Variants in TNS3 observed in about 807,000 individuals in gnomAD.
The protein encoded by TNS3 is tensin 3.
In TNS3, 45 loss-of-function variants were observed where a neutral mutation model predicts 140.9. That is an observed-to-expected ratio of 0.32 (90% CI 0.25 to 0.41). The LOEUF (loss-of-function observed/expected upper bound fraction) is 0.41. TNS3 is among the 10% of genes least tolerant of loss of function. The pLI, the probability that TNS3 is intolerant of heterozygous loss-of-function variation, is 1.00. For missense variants in TNS3, 1,716 were observed against 1,906.7 expected (o/e 0.90, Z 1.86); for synonymous variants, 815 against 788.4 (o/e 1.03, Z -0.56).
intron 2 of TNS3, among the ~76,000 whole-genome samples, chr7:47,520,067 C>T (rs1452671543): frequency 2.0e-5 from 3 of 151,912 alleles, no homozygotes; most frequent in African/African-American, 4.8e-5. Flanking sequence ...CCTCGTGATC[C>T]GCCTGCCTCA....
chr7:47,445,657 C>G (rs1442668032), intron 4 of TNS3, among the ~76,000 whole-genome samples: 1 of 152,114 alleles, frequency 6.6e-6, no homozygotes, highest in East Asian at 1.9e-4. Flanking sequence ...TGACTAAAAT[C>G]CCCCTGAATC....
intron 14 of TNS3, 98 bp from the exon 15 acceptor site, chr7:47,400,556 C>G (rs1793094967): frequency 7.6e-7 from 1 of 1,322,594 alleles, no homozygotes. Flanking sequence ...CAGCACCACT[C>G]CCAAATCTGC....
intron 1 of TNS3, among the ~76,000 whole-genome samples, chr7:47,546,389 C>A (rs1381957055): frequency 6.6e-6 from 1 of 152,106 alleles, no homozygotes; most frequent in Non-Finnish European, 1.5e-5. Flanking sequence ...CTGCCGTCAC[C>A]GCAGGAGAGC....
intron 1 of TNS3, among the ~76,000 whole-genome samples, chr7:47,531,231 C>A (rs1407985529): frequency 6.6e-6 from 1 of 151,928 alleles, no homozygotes; most frequent in African/African-American, 2.4e-5. Flanking sequence ...ATATAATAAA[C>A]CTGCACATGT....
chr7:47,443,186 CT>C (rs1249092827), intron 4 of TNS3, among the ~76,000 whole-genome samples: 6 of 152,198 alleles, frequency 3.9e-5, no homozygotes, highest in African/African-American at 7.2e-5. Context: ...CACTCCACTT[CT>C]TTGTCTCCTG....
intron 13 of TNS3, among the ~76,000 whole-genome samples, chr7:47,411,106 G>A (rs1369918870): frequency 1.3e-5 from 2 of 152,178 alleles, no homozygotes; most frequent in East Asian, 1.9e-4. Context: ...TGTGAAGAAT[G>A]CAAATTATAG....
chr7:47,569,281 G>A (rs981498652), intron 1 of TNS3, among the ~76,000 whole-genome samples: 4 of 152,216 alleles, frequency 2.6e-5, no homozygotes, highest in African/African-American at 7.2e-5. Flanking sequence ...AGTGGCTCAC[G>A]CCTGTAATCC....
At chr7:47,320,638 C>T (rs542890569) in intron 20 of TNS3, among the ~76,000 whole-genome samples, 2 of 152,324 alleles carry the variant, frequency 1.3e-5, no homozygotes, top group East Asian at 3.9e-4. Context: ...CCCCCTTCTA[C>T]AGGGACACAA....
intron 1 of TNS3, among the ~76,000 whole-genome samples, chr7:47,553,993 C>T (rs891959873): frequency 6.6e-6 from 1 of 151,718 alleles, no homozygotes; most frequent in Admixed American, 6.6e-5. Flanking sequence ...TTAGTAGAGA[C>T]GGGGTTTCAC....
At chr7:47,451,965 A>C (rs1423132324) in intron 4 of TNS3, among the ~76,000 whole-genome samples, 2 of 152,144 alleles carry the variant, frequency 1.3e-5, no homozygotes, top group Non-Finnish European at 2.9e-5. Context: ...AAGCCGTCTG[A>C]TCTTGGGAAT....
Position 47,435,296 on chromosome 7 carries a change from C to T in TNS3, c.310G>A (p.Val104Ile), listed in dbSNP as rs777969885. 6.2e-6 allele frequency: 10 copies of T among 1,613,946 alleles called. No individual in the cohort carries two copies. Among genetic ancestry groups the T allele is most frequent in the East Asian group, 2.2e-5 (1 of 44,888 alleles). Residue 104 changes from valine to isoleucine, a missense_variant, in exon 8 of 31, where the codon GTC becomes ATC. Around this residue, in one of 3 missense-constraint regions of TNS3, gnomAD observed 337 missense variants for 428.9 expected, o/e 0.79. Transcript: ENST00000311160. Reference sequence around the variant, plus strand: ...GGCGCACTCACCCTGCAGTGAATGACGACCACATGCTGGAGGTTGCTGTTC... The same window carrying T: ...GGCGCACTCACCCTGCAGTGAATGATGACCACATGCTGGAGGTTGCTGTTC... ...WLNSNLQHVV[V>I]IHCRGGKGRI... is the part of the protein sequence containing the mutation.
intron 20 of TNS3, 28 bp downstream of exon 20, chr7:47,344,727 G>C: frequency 1.3e-6 from 2 of 1,599,652 alleles, no homozygotes; most frequent in South Asian, 2.2e-5. Context: ...AGTGCCGCGC[G>C]CCTGTGACCC....
At chr7:47,401,095 C>A (rs1793135875) in intron 13 of TNS3, among the ~76,000 whole-genome samples, 181 bp from the exon 14 acceptor site, 1 of 152,204 alleles carries the variant, frequency 6.6e-6, no homozygotes, top group Admixed American at 6.5e-5. Flanking sequence ...AGCTGGGGTG[C>A]AGGCAGAGGC....
intron 17 of TNS3, among the ~76,000 whole-genome samples, chr7:47,348,536 C>T (rs938605935): frequency 1.3e-5 from 2 of 152,186 alleles, no homozygotes; most frequent in Non-Finnish European, 2.9e-5. Context: ...AGTATCATTC[C>T]AACATGCAGT....
At chr7:47,412,318 G>A (rs1184048772) in intron 12 of TNS3, among the ~76,000 whole-genome samples, 2 of 152,320 alleles carry the variant, frequency 1.3e-5, no homozygotes, top group East Asian at 1.9e-4. Context: ...GTGTGGCTAC[G>A]TATTGTTTAA....
chr7:47,496,772 A>G (rs1798025146), intron 3 of TNS3, among the ~76,000 whole-genome samples: 1 of 152,206 alleles, frequency 6.6e-6, no homozygotes, highest in Admixed American at 6.5e-5. Context: ...GCAGGCAGGG[A>G]CACCTGCAGC....
intron 3 of TNS3, among the ~76,000 whole-genome samples, chr7:47,483,010 ATT>A (rs1479689596): frequency 6.6e-6 from 1 of 152,156 alleles, no homozygotes; most frequent in Non-Finnish European, 1.5e-5. Flanking sequence ...GTCATTCTGC[ATT>A]TGTCTAAACC....
intron 7 of TNS3, among the ~76,000 whole-genome samples, chr7:47,435,644 T>G (rs1266686340): frequency 6.6e-6 from 1 of 152,200 alleles, no homozygotes; most frequent in Non-Finnish European, 1.5e-5. Flanking sequence ...CTTCTGCAGC[T>G]GGGGTGACAA....
intron 6 of TNS3, among the ~76,000 whole-genome samples, chr7:47,437,918 C>G (rs1795269383): frequency 6.6e-6 from 1 of 151,172 alleles, no homozygotes; most frequent in Non-Finnish European, 1.5e-5. Flanking sequence ...CCTCTATGGC[C>G]TGGTGGCCCC....
Sources: allele counts gnomAD v4.1 joint callset (sites outside exome capture counted in the v4.1 genomes callset), GRCh38; gene constraint gnomAD v4.1.1; regional missense constraint gnomAD v4.1.1; transcripts MANE v1.5; gene names NCBI Gene and HGNC (gene_info 2026-07-23, HGNC 2026-07-21).